The following LTB4R2 variants were observed in gnomAD, a reference collection of about 807,000 sequenced individuals.
LTB4R2 encodes LTB4 receptor JULF2.
A neutral mutation model predicts 5.3 loss-of-function variants in LTB4R2; 6 were observed. The ratio of observed to expected loss-of-function variants is 1.14; its 90% CI spans 0.62 to 2.24. The LOEUF (loss-of-function observed/expected upper bound fraction) is 2.24. Among genes scored for constraint, LTB4R2 ranks in the 30% most tolerant of loss-of-function variants. LTB4R2 has a pLI of 0.00. For synonymous variants in LTB4R2, 310 were observed against 264.2 expected, an observed-to-expected ratio of 1.17 and a Z score of -1.68; for missense variants, 560 against 521.5, an observed-to-expected ratio of 1.07 and a Z score of -0.72.
chr14:24,311,131 C>A lies in LTB4R2; in HGVS notation c.467C>A (p.Ala156Asp). 1 of 1,586,254 alleles carries A rather than the reference C, an allele frequency of 6.3e-7. No homozygotes were observed. The highest frequency in any genetic ancestry group is 8.5e-7 in the Non-Finnish European group (1 of 1,171,402). Reference protein sequence around the residue: ...WLAALLLAVPAAVYRHLWRDR... With the variant: ...WLAALLLAVPDAVYRHLWRDR... ...GCCGCCCTGTTGCTCGCCGTCCCGG[C>A]CGCCGTCTACCGCCACCTGTGGAGG... Residue 156 changes from alanine to aspartate, a missense_variant, in exon 2 of 2, where the codon GCC becomes GAC. Coordinates refer to ENST00000533293, the MANE Select transcript of LTB4R2 (RefSeq NM_019839.5).
Position 24,310,572 on chromosome 14 carries a change from A to G in LTB4R2, c.-10-83A>G, listed in dbSNP as rs1474760335. The G allele has an allele frequency of 3.8e-6, 5 of 1,331,736 alleles. 1 individual carries two copies. In the Admixed American group the frequency reaches 8.5e-5, roughly 23 times the overall value. The allele number at this position is 1,331,736 out of a possible 1,614,324, so 82.5% of individuals were successfully genotyped here. ...GGCTGCAGGGAAGTAAGGAGGAGGC[A>G]TGGCACCTTCTCATCGGGCATCACA... On this transcript the variant is annotated intron_variant, in intron 1 of 1. Transcript: ENST00000533293.
chr14:24,311,189 G>T lies in LTB4R2; in HGVS notation c.525G>T (p.Pro175=). The change falls in exon 2 of 2, where the codon CCG becomes CCT. Residue 175 remains proline, a synonymous_variant. Transcript: ENST00000533293. ...DRVCQLCHPS[P]VHAAAHLSLE... ...TATGCCAGCTGTGCCACCCGTCGCC[G>T]GTCCACGCCGCCGCCCACCTGAGCC... 6.2e-7 allele frequency: 1 copy of T among 1,607,862 alleles called. No homozygotes were observed. The highest frequency in any genetic ancestry group is 1.1e-5 in the South Asian group (1 of 90,086).
chr14:24,310,386 G>A (rs750547440), intron 1 of LTB4R2, 131 bp downstream of exon 1: 3 of 617,932 alleles, frequency 4.9e-6, no homozygotes, highest in Non-Finnish European at 8.6e-6. Flanking sequence ...AGCCTGGGGT[G>A]ATGACTTTAT....
At position 24,311,489 on chromosome 14, in the gene LTB4R2, C is replaced by G. The variant is rs779912131; in HGVS notation, c.825C>G (p.Ala275=). ...AGQAARAGTT[A]LAFFSSSVNP... ...AGGCGGCGCGAGCGGGAACTACGGCCTTGGCCTTCTTCAGTTCTAGCGTCA... is the reference window on the plus strand; with the variant it reads ...AGGCGGCGCGAGCGGGAACTACGGCGTTGGCCTTCTTCAGTTCTAGCGTCA... Residue 275 remains alanine, a synonymous_variant, in exon 2 of 2, where the codon GCC becomes GCG. Transcript: ENST00000533293. 3 of 1,601,754 alleles carry G rather than the reference C, an allele frequency of 1.9e-6. No homozygotes were observed. In the South Asian group the frequency reaches 3.3e-5, roughly 18 times the overall value.
At position 24,310,803 on chromosome 14, in the gene LTB4R2, G is replaced by GGCTGGCGGCCTGCACGGGGGCGACC; in HGVS notation, c.150_174dup (p.Thr59CysfsTer232). 2 of 1,602,826 alleles carry GGCTGGCGGCCTGCACGGGGGCGACC rather than the reference G, an allele frequency of 1.2e-6. No homozygotes were observed. The highest frequency in any genetic ancestry group is 1.7e-6 in the Non-Finnish European group (2 of 1,178,100). On this transcript the variant is annotated frameshift_variant, in exon 2 of 2. Coordinates refer to ENST00000533293, the MANE Select transcript of LTB4R2 (RefSeq NM_019839.5). LOFTEE classifies it low-confidence loss of function (END_TRUNC). ...CGGCTTCGTGGTGTGGAGCTTGGCG[G>GGCTGGCGGCCTGCACGGGGGCGACC]GCTGGCGGCCTGCACGGGGGCGACC...
Position 24,311,065 on chromosome 14 carries a change from G to C in LTB4R2, c.401G>C (p.Ser134Thr). ...TRPFLAPRLR[S>T]PALARRLLLA... Reference sequence around the variant, plus strand: ...CCCTTCCTGGCGCCTCGGCTGCGCAGCCCGGCCCTGGCCCGCCGCCTGCTG... The same window carrying C: ...CCCTTCCTGGCGCCTCGGCTGCGCACCCCGGCCCTGGCCCGCCGCCTGCTG... Residue 134 changes from serine to threonine, a missense_variant, in exon 2 of 2, where the codon AGC becomes ACC. Ser to Thr is a moderately conservative substitution (Grantham distance 58, BLOSUM62 1). Transcript: ENST00000533293. 6.4e-7 allele frequency: 1 copy of C among 1,564,220 alleles called. No homozygotes were observed. The highest frequency in any genetic ancestry group is 8.6e-7 in the Non-Finnish European group (1 of 1,164,136).
In LTB4R2 at chr14:24,311,080, G is replaced by C. The variant is rs553176188; in HGVS notation, c.416G>C (p.Arg139Pro). 1 of 1,558,596 alleles carries C rather than the reference G, an allele frequency of 6.4e-7. No individual in the cohort carries two copies. The highest frequency in any genetic ancestry group is 1.4e-5 in the African/African-American group (1 of 71,536). ...CGGCTGCGCAGCCCGGCCCTGGCCCGCCGCCTGCTGCTGGCGGTCTGGCTG... is the reference window on the plus strand; with the variant it reads ...CGGCTGCGCAGCCCGGCCCTGGCCCCCCGCCTGCTGCTGGCGGTCTGGCTG... ...APRLRSPALARRLLLAVWLAA... is the reference protein window; with the variant it reads ...APRLRSPALAPRLLLAVWLAA... The change falls in exon 2 of 2, where the codon CGC (arginine) becomes CCC (proline). Residue 139 changes from arginine to proline, a missense_variant. Arg to Pro is a moderately radical substitution (Grantham distance 103, BLOSUM62 -2). Transcript: ENST00000533293.
At position 24,311,360 on chromosome 14, in the gene LTB4R2, C is replaced by T. The variant is rs771841597; in HGVS notation, c.696C>T (p.Ala232=). The T allele has an allele frequency of 4.4e-6, 7 of 1,604,974 alleles. No homozygotes were observed. In the Admixed American group the frequency reaches 1.2e-4, roughly 27 times the overall value. The change falls in exon 2 of 2, where the codon GCC becomes GCT. Residue 232 remains alanine, a synonymous_variant. Coordinates refer to ENST00000533293, the MANE Select transcript of LTB4R2 (RefSeq NM_019839.5). ...GGCTGGTGAGCGCCATCGTGCTTGC[C>T]TTCGGCTTGCTCTGGGCCCCCTACC... ...VGRLVSAIVL[A]FGLLWAPYHA...
rs765399475 is a variant in LTB4R2 at position 24,311,699 on chromosome 14, G to C, written c.1035G>C (p.Pro345=). ...VVGQGRGNGD[P]GGGMEKDGPE... ...GGCAGGGCCGCGGCAATGGAGACCC[G>C]GGGGGTGGGATGGAGAAGGACGGTC... Residue 345 remains proline (P), a synonymous_variant, in exon 2 of 2, where the codon CCG becomes CCC. Transcript: ENST00000533293. 8.7e-6 allele frequency: 14 copies of C among 1,604,636 alleles called. No homozygotes were observed. In the Admixed American group the frequency reaches 2.0e-4, roughly 23 times the overall value.
At position 24,310,675 on chromosome 14, in the gene LTB4R2, GC is replaced by G. The variant is rs2041663216; in HGVS notation, c.12del (p.Tyr5ThrfsTer10). ...TGTAGGCCCAGAAGGATGTCGGTCT[GC>G]TACCGTCCCCCAGGGAACGAGACAC... is the stretch of plus-strand genomic sequence containing the variant. MSVCYRPPGNETLL... is the reference protein window; with the variant it reads MSVXYRPPGNETLL... On this transcript the variant is annotated frameshift_variant, in exon 2 of 2. Transcript: ENST00000533293. LOFTEE classifies it low-confidence loss of function (END_TRUNC). The G allele has an allele frequency of 3.7e-6, 6 of 1,614,046 alleles. No homozygotes were observed. The highest frequency in any genetic ancestry group is 4.2e-6 in the Non-Finnish European group (5 of 1,180,020).
chr14:24,310,597 A>C, intron 1 of LTB4R2, 58 bp from the exon 2 acceptor site: 1 of 1,479,254 alleles, frequency 6.8e-7, no homozygotes, highest in Non-Finnish European at 9.5e-7. Context: ...CGGGCATCAC[A>C]GGTGGGGTTT....
chr14:24,310,571 C>T (rs1385857215), intron 1 of LTB4R2, 84 bp from the exon 2 acceptor site: 2 of 1,310,232 alleles, frequency 1.5e-6, no homozygotes, highest in Non-Finnish European at 2.2e-6. Context: ...AAGGAGGAGG[C>T]ATGGCACCTT....
Position 24,311,610 on chromosome 14 carries a change from G to T in LTB4R2, c.946G>T (p.Gly316Trp), listed in dbSNP as rs751833823. The change falls in exon 2 of 2, where the codon GGG (glycine) becomes TGG (tryptophan). Residue 316 changes from glycine to tryptophan, a missense_variant. Gly to Trp is a radical substitution (Grantham distance 184). Coordinates refer to ENST00000533293, the MANE Select transcript of LTB4R2 (RefSeq NM_019839.5). ...RLFEGSGEARGGGRSREGTME... is the reference protein window; with the variant it reads ...RLFEGSGEARWGGRSREGTME... Reference sequence around the variant, plus strand: ...CTTCGAAGGCTCTGGGGAGGCCCGAGGGGGCGGCCGCTCTAGGGAAGGGAC... The same window carrying T: ...CTTCGAAGGCTCTGGGGAGGCCCGATGGGGCGGCCGCTCTAGGGAAGGGAC... The T allele has an allele frequency of 7.4e-6, 12 of 1,612,782 alleles. No individual in the cohort carries two copies. Among genetic ancestry groups the T allele is most frequent in the Middle Eastern group, 1.6e-4 (1 of 6,062 alleles).
Position 24,311,075 on chromosome 14 carries a change from G to C in LTB4R2, c.411G>C (p.Leu137=), listed in dbSNP as rs753822712. 4 of 1,561,932 alleles carry C rather than the reference G, an allele frequency of 2.6e-6. No homozygotes were observed. The South Asian group carries it at 4.6e-5, about 18-fold the overall frequency. ...CGCCTCGGCTGCGCAGCCCGGCCCT[G>C]GCCCGCCGCCTGCTGCTGGCGGTCT... ...FLAPRLRSPA[L]ARRLLLAVWL... Residue 137 remains leucine (L), a synonymous_variant, in exon 2 of 2, where the codon CTG becomes CTC. Coordinates refer to ENST00000533293, the MANE Select transcript of LTB4R2 (RefSeq NM_019839.5).
Position 24,311,648 on chromosome 14 carries a change from A to G in LTB4R2, c.984A>G (p.Arg328=), listed in dbSNP as rs777633406. ...GRSREGTMEL[R]TTPQLKVVGQ... ...CTAGGGAAGGGACCATGGAGCTCCGAACTACCCCTCAGCTGAAAGTGGTGG... is the reference window on the plus strand; with the variant it reads ...CTAGGGAAGGGACCATGGAGCTCCGGACTACCCCTCAGCTGAAAGTGGTGG... Residue 328 remains arginine (R), a synonymous_variant, in exon 2 of 2, where the codon CGA becomes CGG. Transcript: ENST00000533293. The G allele has an allele frequency of 1.9e-6, 3 of 1,613,304 alleles. No homozygotes were observed. Among genetic ancestry groups the G allele is most frequent in the Non-Finnish European group, 1.7e-6 (2 of 1,179,772 alleles).
In LTB4R2 at chr14:24,311,508, A is replaced by T. The variant is rs762503141; in HGVS notation, c.844A>T (p.Ser282Cys). ...TACGGCCTTGGCCTTCTTCAGTTCT[A>T]GCGTCAACCCGGTGCTCTACGTCTT... ...GTTALAFFSSSVNPVLYVFTA... is the reference protein window; with the variant it reads ...GTTALAFFSSCVNPVLYVFTA... Residue 282 changes from serine to cysteine, a missense_variant, in exon 2 of 2, where the codon AGC becomes TGC. Ser to Cys is a moderately radical substitution (Grantham distance 112, BLOSUM62 -1). Transcript: ENST00000533293. 1 of 1,602,626 alleles carries T rather than the reference A, an allele frequency of 6.2e-7. No homozygotes were observed. The highest frequency in any genetic ancestry group is 8.5e-7 in the Non-Finnish European group (1 of 1,179,982).
chr14:24,310,398 C>T (rs1203450764), intron 1 of LTB4R2, 143 bp downstream of exon 1: 2 of 629,192 alleles, frequency 3.2e-6, no homozygotes. Flanking sequence ...TGACTTTATG[C>T]CTGTTTACCA....
In LTB4R2 at chr14:24,311,160, C is replaced by A. The variant is rs76678850; in HGVS notation, c.496C>A (p.Arg166Ser). The A allele has an allele frequency of 1.2e-6, 2 of 1,603,594 alleles. No individual in the cohort carries two copies. Among genetic ancestry groups the A allele is most frequent in the African/African-American group, 1.3e-5 (1 of 74,438 alleles). The change falls in exon 2 of 2, where the codon CGC (arginine) becomes AGC (serine). Residue 166 changes from arginine (R) to serine (S), a missense_variant. By Grantham distance (110) the Arg-to-Ser change is moderately radical. Coordinates refer to ENST00000533293, the MANE Select transcript of LTB4R2 (RefSeq NM_019839.5). ...CGTCTACCGCCACCTGTGGAGGGAC[C>A]GCGTATGCCAGCTGTGCCACCCGTC... ...AAVYRHLWRD[R>S]VCQLCHPSPV...
rs537147788 is a variant in LTB4R2 at position 24,310,836 on chromosome 14, G to T, written c.172G>T (p.Ala58Ser). 6.3e-7 allele frequency: 1 copy of T among 1,595,280 alleles called. No homozygotes were observed. The highest frequency in any genetic ancestry group is 2.2e-5 in the East Asian group (1 of 44,636). The change falls in exon 2 of 2, where the codon GCC becomes TCC. Residue 58 changes from alanine (A) to serine (S), a missense_variant. Physicochemically the swap from Ala to Ser is moderately conservative, Grantham distance 99. Transcript: ENST00000533293. ...GCCTGCACGGGGGCGACCGCTGGCG[G>T]CCACGCTTGTGCTGCACCTGGCGCT... The part of the protein sequence containing the change: ...WRPARGRPLA[A>S]TLVLHLALAD...
Sources: gnomAD v4.1 joint callset for allele counts on GRCh38, gnomAD v4.1.1 for gene constraint, MANE v1.5 for transcripts, NCBI Gene and HGNC (gene_info 2026-07-23, HGNC 2026-07-21) for gene names.